The following TRIM33 variants were observed in gnomAD, a reference collection of about 807,000 sequenced individuals.
TRIM33 encodes the protein tripartite motif containing 33.
TRIM33 carries 20 observed loss-of-function variants against 125.4 expected under a neutral mutation model. The observed-to-expected ratio is 0.16, with a 90% CI of 0.11 to 0.23. The LOEUF is 0.23. Among genes scored for constraint, TRIM33 ranks in the 10% least tolerant of loss-of-function variants. TRIM33 has a pLI of 1.00. For synonymous variants in TRIM33, 564 were observed against 513.9 expected (o/e 1.10, Z -1.32); for missense variants, 920 against 1,411.4 (o/e 0.65, Z 5.58).
At chr1:114,419,233 T>TGAAAAA (rs1015639356) in intron 11 of TRIM33, among the ~76,000 whole-genome samples, 10 of 132,840 alleles carry the variant, frequency 7.5e-5, no homozygotes, top group East Asian at 4.4e-4. Flanking sequence ...AAAGAAAGAA[T>TGAAAAA]GAAAAAGAAA....
intron 4 of TRIM33, among the ~76,000 whole-genome samples, chr1:114,449,267 G>A (rs1449198696): frequency 6.6e-6 from 1 of 152,182 alleles, no homozygotes; most frequent in Non-Finnish European, 1.5e-5. Flanking sequence ...AAGAGAAGCA[G>A]TGTCCATTAT....
chr1:114,422,327 G>A (rs574049150), intron 10 of TRIM33, among the ~76,000 whole-genome samples: 1 of 152,288 alleles, frequency 6.6e-6, no homozygotes, highest in Admixed American at 6.5e-5. Flanking sequence ...AAAATGTTCT[G>A]AGATGATTCA....
intron 11 of TRIM33, among the ~76,000 whole-genome samples, chr1:114,416,235 T>C (rs1049325050): frequency 7.2e-5 from 11 of 152,160 alleles, no homozygotes; most frequent in African/African-American, 2.4e-4. Flanking sequence ...TTCTACTGAT[T>C]ATCAGGAAAA....
At chr1:114,401,343 AGTAT>A (rs1651876655) in intron 17 of TRIM33, 42 bp downstream of exon 17, 1 of 1,538,792 alleles carries the variant, frequency 6.5e-7, no homozygotes, top group Non-Finnish European at 8.9e-7. Flanking sequence ...CATACTCTTA[AGTAT>A]TATGAGACTT....
At chr1:114,437,131 A>G (rs112602040) in intron 4 of TRIM33, among the ~76,000 whole-genome samples, 1 of 152,220 alleles carries the variant, frequency 6.6e-6, no homozygotes, top group Non-Finnish European at 1.5e-5. Flanking sequence ...TTCTAAATAT[A>G]TCTTGTTACA....
chr1:114,432,651 T>G (rs1035302937), intron 5 of TRIM33, among the ~76,000 whole-genome samples: 22 of 151,992 alleles, frequency 1.4e-4, no homozygotes, highest in Non-Finnish European at 2.5e-4. Context: ...CCGAGCATGG[T>G]GGTGGGCGCC....
intron 1 of TRIM33, among the ~76,000 whole-genome samples, chr1:114,502,573 C>T (rs182435963): frequency 6.0e-4 from 91 of 152,290 alleles, no homozygotes; most frequent in South Asian, 1.2e-3. Context: ...ACGGCATGAT[C>T]GCAGTTCACT....
At chr1:114,499,883 G>A (rs971836942) in intron 1 of TRIM33, among the ~76,000 whole-genome samples, 2 of 152,080 alleles carry the variant, frequency 1.3e-5, no homozygotes, top group African/African-American at 2.4e-5. Context: ...AAAATAGGTC[G>A]GGCACAGTGG....
At chr1:114,402,306 G>A (rs377274923) in intron 16 of TRIM33, among the ~76,000 whole-genome samples, 6 of 152,112 alleles carry the variant, frequency 3.9e-5, no homozygotes, top group African/African-American at 7.2e-5. Flanking sequence ...GAGCAGAAGC[G>A]GGGAGAGCAG....
intron 2 of TRIM33, 90 bp downstream of exon 2, chr1:114,464,180 C>T: frequency 1.6e-6 from 1 of 628,280 alleles, no homozygotes; most frequent in South Asian, 2.4e-5. Flanking sequence ...GCAGAACCAC[C>T]CTAAATGACT....
chr1:114,400,362 C>A (rs970127907), intron 17 of TRIM33, among the ~76,000 whole-genome samples: 1 of 152,112 alleles, frequency 6.6e-6, no homozygotes, highest in African/African-American at 2.4e-5. Context: ...CACTACCACG[C>A]CCGGCTAATT....
rs1258333720 is a variant in TRIM33 at position 114,394,897 on chromosome 1, C to CT, written c.*2750dup. ...GAAGTAAATTGAAGTACAGCAAAAA[C>CT]TTTAAAAGCTTTTAAGAAAACATTA... is the stretch of plus-strand genomic sequence containing the variant. On this transcript the variant is annotated 3_prime_UTR_variant, in exon 20 of 20. Coordinates refer to ENST00000358465, the MANE Select transcript of TRIM33 (RefSeq NM_015906.4). 1 of 193,434 alleles carries CT rather than the reference C, an allele frequency of 5.2e-6. No homozygotes were observed. The highest frequency in any genetic ancestry group is 2.3e-5 in the African/African-American group (1 of 43,138). 12.0% of individuals were successfully genotyped at this position (193,434 alleles called of 1,614,324 possible). A position where few individuals can be genotyped will look rare whatever the true frequency, so the allele number is the denominator to read the frequency against.
intron 17 of TRIM33, among the ~76,000 whole-genome samples, chr1:114,401,050 T>C (rs1651845427): frequency 1.3e-5 from 2 of 151,508 alleles, no homozygotes; most frequent in African/African-American, 2.4e-5. Flanking sequence ...TTTCTTTTTT[T>C]TTTTGAGACG....
chr1:114,462,264 T>C (rs1259098985), intron 4 of TRIM33, among the ~76,000 whole-genome samples: 2 of 152,220 alleles, frequency 1.3e-5, no homozygotes, highest in Admixed American at 1.3e-4. Context: ...GGGATTACTG[T>C]ATCCCCTCTT....
intron 13 of TRIM33, among the ~76,000 whole-genome samples, chr1:114,408,034 A>AG (rs1652358819): frequency 6.6e-6 from 1 of 152,186 alleles, no homozygotes; most frequent in Non-Finnish European, 1.5e-5. Flanking sequence ...TTCGCCCCAA[A>AG]GGAAGTATAT....
chr1:114,393,801 C>T lies in TRIM33; in HGVS notation c.*3847G>A, dbSNP rs865930658. 1 of 206,652 alleles carries T rather than the reference C, an allele frequency of 4.8e-6. No homozygotes were observed. The highest frequency in any genetic ancestry group is 9.9e-6 in the Non-Finnish European group (1 of 101,194). The allele number at this position is 206,652 out of a possible 1,614,324, so 12.8% of individuals were successfully genotyped here. A position where few individuals can be genotyped will look rare whatever the true frequency, so the allele number is the denominator to read the frequency against. ...ACTTTTAAAAAAATATGCAACTTTC[C>T]CCAATTTTTAAAATAAAATGCCACA... On this transcript the variant is annotated 3_prime_UTR_variant, in exon 20 of 20. Coordinates refer to ENST00000358465, the MANE Select transcript of TRIM33 (RefSeq NM_015906.4).
chr1:114,417,892 G>A (rs1395610391), intron 11 of TRIM33, among the ~76,000 whole-genome samples: 2 of 152,118 alleles, frequency 1.3e-5, no homozygotes, highest in African/African-American at 4.8e-5. Flanking sequence ...CTGACCTCAG[G>A]TGATCTGCCT....
intron 11 of TRIM33, among the ~76,000 whole-genome samples, chr1:114,421,184 CAT>C (rs1653258029): frequency 6.6e-6 from 1 of 152,070 alleles, no homozygotes; most frequent in African/African-American, 2.4e-5. Flanking sequence ...ATGTCCATCT[CAT>C]AGAAACAGAG....
intron 4 of TRIM33, among the ~76,000 whole-genome samples, chr1:114,451,374 TAA>T (rs11419050): frequency 7.2e-4 from 97 of 135,544 alleles, no homozygotes; most frequent in Non-Finnish European, 7.1e-4. Context: ...TACCCTGCTT[TAA>T]AAAAAAAAAA....
Sources: gnomAD v4.1 joint callset for allele counts (sites outside exome capture counted in the v4.1 genomes callset) on GRCh38, gnomAD v4.1.1 for gene constraint, MANE v1.5 for transcripts, NCBI Gene and HGNC (gene_info 2026-07-23, HGNC 2026-07-21) for gene names.